The following FANK1 variants were observed in gnomAD, a reference collection of about 807,000 sequenced individuals.
FANK1 encodes the protein fibronectin type 3 and ankyrin repeat domains protein 1.
Under a neutral mutation model 45.3 loss-of-function variants are expected in FANK1, and 44 were observed. That is an observed-to-expected ratio of 0.97 (90% CI 0.76 to 1.25). The LOEUF (loss-of-function observed/expected upper bound fraction) is 1.25, where lower values mean the gene tolerates loss of function less well. FANK1 is among the 50% of genes most tolerant of loss of function. The probability of loss-of-function intolerance (pLI) is 0.00; values close to 1 mark genes in which losing one functional copy is unlikely to be tolerated. For synonymous variants in FANK1, 149 were observed against 152.5 expected, an observed-to-expected ratio of 0.98 and a Z score of 0.17; for missense variants, 391 against 424.4, an observed-to-expected ratio of 0.92 and a Z score of 0.69.
In FANK1 at chr10:125,980,226, T is replaced by C; in HGVS notation, c.79T>C (p.Leu27=). 1 of 1,614,074 alleles carries C rather than the reference T, an allele frequency of 6.2e-7. No individual in the cohort carries two copies. Among genetic ancestry groups the C allele is most frequent in the Non-Finnish European group, 8.5e-7 (1 of 1,179,990 alleles). The stretch of plus-strand genomic sequence containing the variant: ...CAAAGTGACTCATCACAGCATTGAA[T>C]TATACTGGGATCTGGAAAAGAAAGC... The part of the protein sequence containing the change: ...VGKVTHHSIE[L]YWDLEKKAKR... The change falls in exon 2 of 11, where the codon TTA becomes CTA. Residue 27 remains leucine (L), a synonymous_variant. Transcript: ENST00000368693.
At chr10:125,952,199 TAAAA>T (rs60371139) in intron 1 of FANK1, among the ~76,000 whole-genome samples, 1 of 148,832 alleles carries the variant, frequency 6.7e-6, no homozygotes, top group Non-Finnish European at 1.5e-5. Flanking sequence ...TGATTTGCTT[TAAAA>T]AAAAAAGCGT....
chr10:125,989,427 C>A, intron 3 of FANK1: 1 of 1,447,632 alleles, frequency 6.9e-7, no homozygotes, highest in Non-Finnish European at 9.5e-7. Flanking sequence ...CGTTTTATTC[C>A]AGGTAGCATT....
intron 1 of FANK1, among the ~76,000 whole-genome samples, chr10:125,957,706 G>A (rs1409985204): frequency 1.3e-5 from 2 of 151,862 alleles, no homozygotes; most frequent in Admixed American, 1.3e-4. Flanking sequence ...TGTACTTTTA[G>A]TAGAGATGGG....
chr10:125,968,603 A>G (rs1313452379), intron 1 of FANK1, among the ~76,000 whole-genome samples: 3 of 152,214 alleles, frequency 2.0e-5, no homozygotes. Flanking sequence ...AATACAGTGT[A>G]TGATCACCAC....
chr10:125,915,386 C>T (rs113395789), intron 1 of FANK1, among the ~76,000 whole-genome samples: 14 of 152,018 alleles, frequency 9.2e-5, no homozygotes, highest in South Asian at 2.1e-4. Flanking sequence ...GAAATTGATG[C>T]ATAAGTGGCT....
At chr10:125,940,567 C>G (rs1948387399) in intron 1 of FANK1, among the ~76,000 whole-genome samples, 1 of 152,118 alleles carries the variant, frequency 6.6e-6, no homozygotes, top group South Asian at 2.1e-4. Context: ...ACATTCTGTT[C>G]CCAGGGGCAC....
intron 1 of FANK1, among the ~76,000 whole-genome samples, chr10:125,967,977 C>T (rs751171961): frequency 9.2e-5 from 14 of 152,088 alleles, no homozygotes; most frequent in South Asian, 4.2e-4. Context: ...CAATCTAAAA[C>T]GGTTTTATCA....
At chr10:125,979,281 C>A (rs1008434608) in intron 1 of FANK1, among the ~76,000 whole-genome samples, 1 of 152,138 alleles carries the variant, frequency 6.6e-6, no homozygotes, top group Non-Finnish European at 1.5e-5. Flanking sequence ...TTCACTCGCC[C>A]CTTCTGTTCC....
intron 1 of FANK1, among the ~76,000 whole-genome samples, chr10:125,914,817 G>A (rs951077261): frequency 2.6e-5 from 4 of 152,268 alleles, no homozygotes; most frequent in African/African-American, 9.6e-5. Flanking sequence ...AAGGGGAGGA[G>A]GGGTGGTGGA....
At chr10:125,944,481 C>A (rs1311252032) in intron 1 of FANK1, among the ~76,000 whole-genome samples, 2 of 152,174 alleles carry the variant, frequency 1.3e-5, no homozygotes, top group Non-Finnish European at 2.9e-5. Flanking sequence ...CTTAACAATT[C>A]AATACCTTCC....
chr10:125,910,938 G>A (rs896711618), intron 1 of FANK1, among the ~76,000 whole-genome samples: 10 of 151,616 alleles, frequency 6.6e-5, no homozygotes, highest in African/African-American at 2.2e-4. Context: ...GGAGGCTGAG[G>A]CAGGAGAATT....
chr10:125,956,020 G>A (rs1211239743), intron 1 of FANK1, among the ~76,000 whole-genome samples: 1 of 152,134 alleles, frequency 6.6e-6, no homozygotes, highest in Admixed American at 6.6e-5. Flanking sequence ...GAGGTGGGGG[G>A]CATTTAAGCC....
rs149972512 is a variant in FANK1 at position 126,007,615 on chromosome 10, T to C, written c.706-792T>C. Among the ~76,000 whole-genome samples, 485 of 150,168 alleles carry C rather than the reference T, an allele frequency of 3.2e-3. 9 individuals carry two copies. The highest frequency in any genetic ancestry group is 0.028 in the Admixed American group (426 of 15,066). On this transcript the variant is annotated intron_variant, in intron 7 of 10. Coordinates refer to ENST00000368693, the MANE Select transcript of FANK1 (RefSeq NM_145235.5). ...AAAGCTATGGATCATCTTTGAGTAA[T>C]TCTTCTGTAACAGATTGTGTGTGTG...
intron 7 of FANK1, among the ~76,000 whole-genome samples, chr10:126,006,677 T>C (rs908833110): frequency 2.5e-4 from 38 of 152,336 alleles, no homozygotes; most frequent in Non-Finnish European, 4.9e-4. Context: ...CTGGCCAACA[T>C]GGTGAAACCC....
At chr10:125,924,825 A>AAT (rs1947231356) in intron 1 of FANK1, among the ~76,000 whole-genome samples, 13 of 136,716 alleles carry the variant, frequency 9.5e-5, no homozygotes, top group Admixed American at 2.2e-4. Flanking sequence ...AAAAAAAAAA[A>AAT]AAAGACTATC....
At chr10:125,985,706 C>T (rs1951510323) in intron 2 of FANK1, among the ~76,000 whole-genome samples, 1 of 152,168 alleles carries the variant, frequency 6.6e-6, no homozygotes, top group Non-Finnish European at 1.5e-5. Context: ...CATGTGTTTG[C>T]TCATGATCTG....
At chr10:125,897,504 C>T (rs1169667098) in intron 1 of FANK1, among the ~76,000 whole-genome samples, 1 of 152,176 alleles carries the variant, frequency 6.6e-6, no homozygotes, top group Non-Finnish European at 1.5e-5. Flanking sequence ...GTTTGACTCT[C>T]AAACCAAGTC....
chr10:125,974,541 G>T (rs1950733142), intron 1 of FANK1, among the ~76,000 whole-genome samples: 1 of 152,132 alleles, frequency 6.6e-6, no homozygotes, highest in African/African-American at 2.4e-5. Context: ...AACTAACATA[G>T]AACAATTGCA....
chr10:125,979,255 A>G (rs1951044435), intron 1 of FANK1, among the ~76,000 whole-genome samples: 1 of 151,976 alleles, frequency 6.6e-6, no homozygotes, highest in African/African-American at 2.4e-5. Flanking sequence ...TGGCTGTTTC[A>G]GTTGAAGGTG....
Sources: gnomAD v4.1 joint callset for allele counts (sites outside exome capture counted in the v4.1 genomes callset) on GRCh38, gnomAD v4.1.1 for gene constraint, MANE v1.5 for transcripts, NCBI Gene and HGNC (gene_info 2026-07-23, HGNC 2026-07-21) for gene names.